TTC29: variants seen among roughly 807,000 people sequenced by gnomAD.
TTC29 encodes tetratricopeptide repeat protein 29.
A neutral mutation model predicts 58.1 loss-of-function variants in TTC29; 49 were observed. That is an observed-to-expected ratio of 0.84 (90% confidence interval 0.67 to 1.07). TTC29 has a LOEUF of 1.07. Ranked by LOEUF, TTC29 falls within the 50% of genes least tolerant of loss-of-function variation. The probability of loss-of-function intolerance (pLI) is 0.00; values close to 1 mark genes in which losing one functional copy is unlikely to be tolerated. For synonymous variants in TTC29, 209 were observed against 196.8 expected, an observed-to-expected ratio of 1.06 and a Z score of -0.52; for missense variants, 582 against 555.6, an observed-to-expected ratio of 1.05 and a Z score of -0.48.
intron 11 of TTC29, among the ~76,000 whole-genome samples, chr4:146,723,257 A>C (rs1399669705): frequency 2.6e-5 from 4 of 152,126 alleles, no homozygotes; most frequent in Non-Finnish European, 5.9e-5. Context: ...AAAAAAAAAA[A>C]ATTAAATGTA....
intron 11 of TTC29, among the ~76,000 whole-genome samples, chr4:146,718,168 A>T (rs1468879839): frequency 6.6e-6 from 1 of 152,226 alleles, no homozygotes; most frequent in African/African-American, 2.4e-5. Context: ...TATTAGGAAT[A>T]GTGCTGCAAT....
chr4:146,786,009 A>T (rs986483110), intron 11 of TTC29, among the ~76,000 whole-genome samples: 9 of 149,480 alleles, frequency 6.0e-5, no homozygotes, highest in Non-Finnish European at 1.2e-4. Context: ...ACACACACAC[A>T]CTCACACACC....
intron 10 of TTC29, among the ~76,000 whole-genome samples, chr4:146,814,631 CAGG>C (rs1388325257): frequency 5.5e-5 from 8 of 146,320 alleles, no homozygotes; most frequent in Non-Finnish European, 1.0e-4. Flanking sequence ...GAGGCTGAGG[CAGG>C]AGAATTACTT....
chr4:146,762,313 C>A (rs1746968932), intron 11 of TTC29, among the ~76,000 whole-genome samples: 1 of 150,788 alleles, frequency 6.6e-6, no homozygotes, highest in Admixed American at 6.6e-5. Context: ...ATAGAAAGCT[C>A]TCAGCAGTAT....
chr4:146,782,427 CA>C (rs1748690457), intron 11 of TTC29, among the ~76,000 whole-genome samples: 2 of 151,710 alleles, frequency 1.3e-5, no homozygotes, highest in Non-Finnish European at 2.9e-5. Context: ...AATTGAATAG[CA>C]AGATAAAATG....
At chr4:146,743,934 G>A (rs1352966892) in intron 11 of TTC29, among the ~76,000 whole-genome samples, 1 of 152,186 alleles carries the variant, frequency 6.6e-6, no homozygotes, top group Non-Finnish European at 1.5e-5. Context: ...TCAAAGGAAT[G>A]TATAGAACCC....
chr4:146,936,710 T>C (rs1016528832), intron 4 of TTC29, among the ~76,000 whole-genome samples: 19 of 152,066 alleles, frequency 1.2e-4, no homozygotes, highest in African/African-American at 4.6e-4. Context: ...TCTGATAAAA[T>C]GGAAAACACC....
chr4:146,766,911 T>A (rs1747363562), intron 11 of TTC29, among the ~76,000 whole-genome samples: 1 of 152,066 alleles, frequency 6.6e-6, no homozygotes, highest in African/African-American at 2.4e-5. Context: ...GTCCTTAAAT[T>A]AATTGTTTAA....
At chr4:146,921,861 C>CA (rs1560721107) in intron 4 of TTC29, among the ~76,000 whole-genome samples, 1 of 150,180 alleles carries the variant, frequency 6.7e-6, no homozygotes, top group Admixed American at 6.6e-5. Flanking sequence ...ACTTATTCGT[C>CA]AAAAAAAGAA....
chr4:146,752,172 T>C (rs1326198022), intron 11 of TTC29, among the ~76,000 whole-genome samples: 3 of 151,540 alleles, frequency 2.0e-5, no homozygotes, highest in Non-Finnish European at 4.4e-5. Flanking sequence ...AAAACCCCAT[T>C]GTCTCAGCCC....
chr4:146,768,610 A>C (rs541917194), intron 11 of TTC29, among the ~76,000 whole-genome samples: 1 of 152,106 alleles, frequency 6.6e-6, no homozygotes, highest in South Asian at 2.1e-4. Flanking sequence ...CTGAGCTGTG[A>C]AACTGTGATG....
At chr4:146,773,800 A>C (rs186108753) in intron 11 of TTC29, among the ~76,000 whole-genome samples, 1 of 150,696 alleles carries the variant, frequency 6.6e-6, no homozygotes, top group African/African-American at 2.4e-5. Flanking sequence ...TTTTTTTTTA[A>C]TACTTTCAGT....
chr4:146,835,299 A>C (rs2150160044), intron 8 of TTC29, among the ~76,000 whole-genome samples: 1 of 152,230 alleles, frequency 6.6e-6, no homozygotes, highest in East Asian at 1.9e-4. Flanking sequence ...TCACCATCTT[A>C]CATAACAAGT....
intron 6 of TTC29, among the ~76,000 whole-genome samples, chr4:146,892,022 G>A (rs1056914947): frequency 9.9e-5 from 15 of 152,056 alleles, no homozygotes; most frequent in African/African-American, 3.4e-4. Flanking sequence ...TCTGTGATAC[G>A]GTTTAGATCT....
chr4:146,782,732 T>C (rs1443019519), intron 11 of TTC29, among the ~76,000 whole-genome samples: 1 of 152,040 alleles, frequency 6.6e-6, no homozygotes, highest in Non-Finnish European at 1.5e-5. Context: ...CAAGGAGATA[T>C]ATACAGGAGT....
intron 7 of TTC29, among the ~76,000 whole-genome samples, chr4:146,872,121 T>C (rs1385130108): frequency 2.6e-5 from 4 of 152,062 alleles, no homozygotes; most frequent in Non-Finnish European, 5.9e-5. Flanking sequence ...TGATTTTATG[T>C]AGGGTATCAT....
At chr4:146,921,442 T>C (rs1734572552) in intron 4 of TTC29, among the ~76,000 whole-genome samples, 1 of 151,208 alleles carries the variant, frequency 6.6e-6, no homozygotes, top group African/African-American at 2.4e-5. Flanking sequence ...TAAAATAGAT[T>C]AGTAGGCGGA....
chr4:146,828,557 T>C (rs1214807532), intron 9 of TTC29, among the ~76,000 whole-genome samples: 1 of 152,100 alleles, frequency 6.6e-6, no homozygotes, highest in Admixed American at 6.6e-5. Flanking sequence ...AACCAATATA[T>C]TTTTGAAGAA....
At chr4:146,894,947 A>G (rs1165873783) in intron 6 of TTC29, among the ~76,000 whole-genome samples, 1 of 152,148 alleles carries the variant, frequency 6.6e-6, no homozygotes. Context: ...CCCATAGCCC[A>G]GGTATTAAGC....
Sources: allele counts gnomAD v4.1 joint callset (sites outside exome capture counted in the v4.1 genomes callset), GRCh38; gene constraint gnomAD v4.1.1; transcripts MANE v1.5; gene names NCBI Gene and HGNC (gene_info 2026-07-23, HGNC 2026-07-21).